Variants in GFRA1 observed in about 807,000 individuals in gnomAD.
The protein encoded by GFRA1 is GDNF family receptor alpha 1.
A neutral mutation model predicts 51.6 loss-of-function variants in GFRA1; 16 were observed. The ratio of observed to expected loss-of-function variants is 0.31; its 90% CI spans 0.21 to 0.47. The LOEUF is 0.47. GFRA1 is among the 20% of genes least tolerant of loss of function. The pLI, the probability that GFRA1 is intolerant of heterozygous loss-of-function variation, is 1.00. For missense variants in GFRA1, 530 were observed against 594.3 expected, an observed-to-expected ratio of 0.89 and a Z score of 1.13; for synonymous variants, 270 against 241.3, an observed-to-expected ratio of 1.12 and a Z score of -1.10.
chr10:116,109,673 C>T (rs974057549), intron 6 of GFRA1, among the ~76,000 whole-genome samples: 3 of 152,136 alleles, frequency 2.0e-5, no homozygotes, highest in African/African-American at 4.8e-5. Context: ...GGGAGAAACC[C>T]GCATCCCCAA....
intron 4 of GFRA1, among the ~76,000 whole-genome samples, chr10:116,247,486 C>T (rs921215270): frequency 2.0e-5 from 3 of 152,298 alleles, no homozygotes; most frequent in Non-Finnish European, 4.4e-5. Context: ...GTCCTTATCC[C>T]GTGGTCTCTA....
intron 4 of GFRA1, among the ~76,000 whole-genome samples, chr10:116,253,936 A>G (rs780185265): frequency 6.6e-6 from 1 of 152,130 alleles, no homozygotes; most frequent in South Asian, 2.1e-4. Flanking sequence ...CTGGACTTCT[A>G]TGAGTTTTGG....
At chr10:116,090,459 C>G (rs1956288261) in intron 8 of GFRA1, among the ~76,000 whole-genome samples, 1 of 135,792 alleles carries the variant, frequency 7.4e-6, no homozygotes, top group Admixed American at 7.2e-5. Flanking sequence ...AAAAAACTAC[C>G]CCAAATCTCA....
At chr10:116,249,870 A>C (rs1968178177) in intron 4 of GFRA1, among the ~76,000 whole-genome samples, 1 of 152,244 alleles carries the variant, frequency 6.6e-6, no homozygotes, top group Non-Finnish European at 1.5e-5. Context: ...GTAAATCTAC[A>C]AAATAGCTGA....
At chr10:116,148,123 T>A (rs1368343554) in intron 5 of GFRA1, among the ~76,000 whole-genome samples, 1 of 144,212 alleles carries the variant, frequency 6.9e-6, no homozygotes, top group African/African-American at 2.6e-5. Flanking sequence ...TGTGTGCATG[T>A]GTGTGGGGTG....
At chr10:116,255,421 G>C (rs760298847) in intron 4 of GFRA1, among the ~76,000 whole-genome samples, 26 of 149,022 alleles carry the variant, frequency 1.7e-4, no homozygotes, top group Non-Finnish European at 2.8e-4. Context: ...ACTGCTAATA[G>C]AAAACAATGC....
chr10:116,107,888 G>A (rs1957063204), intron 6 of GFRA1, among the ~76,000 whole-genome samples: 1 of 152,182 alleles, frequency 6.6e-6, no homozygotes, highest in African/African-American at 2.4e-5. Flanking sequence ...GAATTAAAAT[G>A]GCATGGGTTC....
intron 9 of GFRA1, among the ~76,000 whole-genome samples, chr10:116,074,552 C>T (rs7921570): frequency 6.6e-6 from 1 of 152,132 alleles, no homozygotes. Context: ...AGAGGTCAAG[C>T]CAGGCCAGGA....
chr10:116,154,427 A>G (rs1311768273), intron 5 of GFRA1, among the ~76,000 whole-genome samples: 2 of 152,232 alleles, frequency 1.3e-5, no homozygotes, highest in Admixed American at 1.3e-4. Flanking sequence ...ACTGAGTCCT[A>G]TGAACTCATG....
At chr10:116,094,140 A>C (rs1282067180) in intron 7 of GFRA1, among the ~76,000 whole-genome samples, 3 of 152,200 alleles carry the variant, frequency 2.0e-5, no homozygotes, top group Non-Finnish European at 4.4e-5. Context: ...AGAACGCATG[A>C]GTTGCCAAAT....
At chr10:116,185,721 C>A (rs1396540652) in intron 5 of GFRA1, among the ~76,000 whole-genome samples, 1 of 152,220 alleles carries the variant, frequency 6.6e-6, no homozygotes, top group Non-Finnish European at 1.5e-5. Context: ...GCTCCCCACC[C>A]CAACTCCGTT....
chr10:116,189,243 G>T (rs1963031883), intron 5 of GFRA1, among the ~76,000 whole-genome samples: 1 of 152,124 alleles, frequency 6.6e-6, no homozygotes, highest in Non-Finnish European at 1.5e-5. Flanking sequence ...AACTGTTTTG[G>T]GGGGCAGATC....
At chr10:116,174,134 T>C (rs1475270782) in intron 5 of GFRA1, among the ~76,000 whole-genome samples, 12 of 68,874 alleles carry the variant, frequency 1.7e-4, no homozygotes. Flanking sequence ...TTTCAACAAA[T>C]TAGGCCTTCT....
chr10:116,138,635 A>AC (rs368825109), intron 5 of GFRA1, among the ~76,000 whole-genome samples: 4,236 of 119,936 alleles, frequency 0.035, 162 homozygotes, highest in African/African-American at 0.12. Context: ...GATGGTAGGA[A>AC]CCCCCCCCCG....
chr10:116,122,011 G>C (rs1053232485), intron 6 of GFRA1, among the ~76,000 whole-genome samples: 1 of 152,172 alleles, frequency 6.6e-6, no homozygotes, highest in African/African-American at 2.4e-5. Flanking sequence ...CTGAGAGGGA[G>C]GGGGTAATCA....
chr10:116,195,172 C>A (rs1347925743), intron 5 of GFRA1, among the ~76,000 whole-genome samples: 1 of 152,112 alleles, frequency 6.6e-6, no homozygotes, highest in African/African-American at 2.4e-5. Flanking sequence ...TATAGAAAAA[C>A]CTCCCCCATT....
chr10:116,163,316 C>T (rs1482875332), intron 5 of GFRA1, among the ~76,000 whole-genome samples: 3 of 152,184 alleles, frequency 2.0e-5, no homozygotes, highest in South Asian at 4.1e-4. Flanking sequence ...CAAGTGCCCA[C>T]ATGCCAGGCA....
chr10:116,104,747 A>G (rs1202953859), intron 6 of GFRA1, among the ~76,000 whole-genome samples: 2 of 152,212 alleles, frequency 1.3e-5, no homozygotes, highest in South Asian at 2.1e-4. Flanking sequence ...CCATCAGTCA[A>G]CATTGACAGA....
At chr10:116,204,739 T>C (rs1433062674) in intron 5 of GFRA1, among the ~76,000 whole-genome samples, 1 of 152,184 alleles carries the variant, frequency 6.6e-6, no homozygotes, top group Non-Finnish European at 1.5e-5. Context: ...ATAACATAAA[T>C]ACCTATGAGT....
Sources: allele counts gnomAD v4.1 joint callset (sites outside exome capture counted in the v4.1 genomes callset), GRCh38; gene constraint gnomAD v4.1.1; transcripts MANE v1.5; gene names NCBI Gene and HGNC (gene_info 2026-07-23, HGNC 2026-07-21).